NPSR1: variants seen among roughly 807,000 people sequenced by gnomAD.
NPSR1 encodes the protein neuropeptide S receptor.
A neutral mutation model predicts 46.9 loss-of-function variants in NPSR1; 48 were observed. That is an observed-to-expected ratio of 1.02 (90% confidence interval 0.81 to 1.30). NPSR1 has a LOEUF of 1.30. Ranked by LOEUF, NPSR1 falls within the 50% of genes most tolerant of loss-of-function variation. The pLI is 0.00. For synonymous variants in NPSR1, 176 were observed against 168.1 expected, an observed-to-expected ratio of 1.05 and a Z score of -0.36; for missense variants, 450 against 449.5, an observed-to-expected ratio of 1.00 and a Z score of -0.01.
intron 3 of NPSR1, among the ~76,000 whole-genome samples, chr7:34,788,773 G>A (rs1027775225): frequency 3.3e-5 from 5 of 151,890 alleles, no homozygotes; most frequent in Non-Finnish European, 5.9e-5. Flanking sequence ...AGTAAAGAAC[G>A]ATTGGATTTA....
chr7:34,833,901 C>T (rs1247599196), intron 5 of NPSR1, among the ~76,000 whole-genome samples: 1 of 152,204 alleles, frequency 6.6e-6, no homozygotes, highest in Non-Finnish European at 1.5e-5. Flanking sequence ...TGTAATCAGT[C>T]CCATCCCCTT....
At chr7:34,844,476 G>A (rs1425741113) in intron 6 of NPSR1, among the ~76,000 whole-genome samples, 1 of 151,506 alleles carries the variant, frequency 6.6e-6, no homozygotes, top group East Asian at 1.9e-4. Context: ...TTTGATGAAT[G>A]TATTTGTCTG....
At chr7:34,872,793 A>G (rs1032772723) in intron 8 of NPSR1, among the ~76,000 whole-genome samples, 7 of 151,754 alleles carry the variant, frequency 4.6e-5, no homozygotes, top group African/African-American at 1.5e-4. Flanking sequence ...TGATTCAATT[A>G]TCTCACACTA....
intron 1 of NPSR1, among the ~76,000 whole-genome samples, chr7:34,682,907 T>C (rs548600639): frequency 6.6e-6 from 1 of 152,212 alleles, no homozygotes; most frequent in East Asian, 1.9e-4. Context: ...AAGTGGGAAG[T>C]GACATATGTA....
At chr7:34,768,290 T>G (rs1786525173) in intron 2 of NPSR1, 1 of 152,196 alleles carries the variant, frequency 6.6e-6, no homozygotes, top group South Asian at 2.1e-4. Context: ...CTGTTTAAAA[T>G]GAAGATACAA....
Position 34,856,912 on chromosome 7 carries a change from G to T in NPSR1, c.1025+8249G>T, listed in dbSNP as rs1020705838. Among the ~76,000 whole-genome samples, 13 of 151,456 alleles carry T rather than the reference G, an allele frequency of 8.6e-5. 1 individual carries two copies. The highest frequency in any genetic ancestry group is 3.2e-4 in the African/African-American group (13 of 40,886). On this transcript the variant is annotated intron_variant, in intron 8 of 8. Coordinates refer to the NPSR1 transcript ENST00000359791. The stretch of plus-strand genomic sequence containing the variant: ...AACTGGTCCAGTCTTTATGTAGATG[G>T]GGGGGGAAATCTCTTCTAGCATCTG...
At chr7:34,743,195 T>C (rs1036886675) in intron 2 of NPSR1, among the ~76,000 whole-genome samples, 1 of 152,210 alleles carries the variant, frequency 6.6e-6, no homozygotes, top group Non-Finnish European at 1.5e-5. Flanking sequence ...GTGATTCCTT[T>C]TGGTGTCTTT....
chr7:34,770,315 A>T (rs1292425313), intron 2 of NPSR1, among the ~76,000 whole-genome samples: 1 of 152,144 alleles, frequency 6.6e-6, no homozygotes, highest in Non-Finnish European at 1.5e-5. Context: ...CACAGCTCTC[A>T]ATGACTGCTC....
intron 1 of NPSR1, among the ~76,000 whole-genome samples, chr7:34,667,466 A>G (rs1049400492): frequency 2.0e-5 from 3 of 152,098 alleles, no homozygotes; most frequent in African/African-American, 4.8e-5. Flanking sequence ...CCAGCCTCCT[A>G]GACTCTCCAT....
chr7:34,752,484 C>G (rs1177962291), intron 2 of NPSR1, among the ~76,000 whole-genome samples: 1 of 152,146 alleles, frequency 6.6e-6, no homozygotes, highest in Non-Finnish European at 1.5e-5. Context: ...CAGGAAAGGC[C>G]TAGGTAAAAC....
chr7:34,781,828 C>G (rs1787245053), intron 3 of NPSR1, among the ~76,000 whole-genome samples: 1 of 152,146 alleles, frequency 6.6e-6, no homozygotes, highest in Non-Finnish European at 1.5e-5. Context: ...ACAGCCAGCA[C>G]CATAGTAAGC....
Position 34,849,825 on chromosome 7 carries a change from G to T in NPSR1, c.*170G>T, listed in dbSNP as rs763377501. On this transcript the variant is annotated 3_prime_UTR_variant, in exon 9 of 9. Coordinates refer to ENST00000360581, the MANE Select transcript of NPSR1 (RefSeq NM_207172.2). ...GACTGCATGCACTGCTTAAGTATTGGCCAACACGAACTCCCCAGTTATTCA... is the reference window on the plus strand; with the variant it reads ...GACTGCATGCACTGCTTAAGTATTGTCCAACACGAACTCCCCAGTTATTCA... 158 of 1,394,188 alleles carry T rather than the reference G, an allele frequency of 1.1e-4. No homozygotes were observed. Among genetic ancestry groups the T allele is most frequent in the Admixed American group, 2.1e-4 (7 of 33,166 alleles). 86.4% of individuals were successfully genotyped at this position (1,394,188 alleles called of 1,614,324 possible). A position where few individuals can be genotyped will look rare whatever the true frequency, so the allele number is the denominator to read the frequency against.
chr7:34,845,429 C>T (rs1192492823), intron 7 of NPSR1, among the ~76,000 whole-genome samples: 1 of 152,092 alleles, frequency 6.6e-6, no homozygotes. Context: ...TTCCACCCTC[C>T]TGTCTTCTGC....
At chr7:34,756,548 G>A (rs1032610786) in intron 2 of NPSR1, among the ~76,000 whole-genome samples, 6 of 152,208 alleles carry the variant, frequency 3.9e-5, no homozygotes, top group Non-Finnish European at 2.9e-5. Context: ...CTCTGGCATT[G>A]TAACATGAAA....
chr7:34,806,243 A>C (rs1788693896), intron 3 of NPSR1, among the ~76,000 whole-genome samples: 1 of 152,206 alleles, frequency 6.6e-6, no homozygotes, highest in South Asian at 2.1e-4. Context: ...CTTTATTCAT[A>C]ATCACCAAAA....
intron 2 of NPSR1, among the ~76,000 whole-genome samples, chr7:34,689,620 A>AGAAAG (rs1793132743): frequency 7.9e-6 from 1 of 126,274 alleles, no homozygotes; most frequent in Non-Finnish European, 1.6e-5. Context: ...AAAAAAAAAA[A>AGAAAG]AAAAAAAAAA....
downstream of NPSR1, among the ~76,000 whole-genome samples, chr7:34,852,997 A>G (rs947207780): frequency 6.6e-6 from 1 of 152,224 alleles, no homozygotes; most frequent in African/African-American, 2.4e-5. Flanking sequence ...GTTGAAGTTT[A>G]CTTTCACTAA....
intron 2 of NPSR1, chr7:34,719,778 C>T (rs1783756105): frequency 1.3e-5 from 2 of 152,014 alleles, no homozygotes; most frequent in Admixed American, 1.3e-4. Context: ...GGCTAACAGC[C>T]CTCAGTGCAA....
intron 6 of NPSR1, among the ~76,000 whole-genome samples, chr7:34,836,337 A>T (rs750754835): frequency 1.3e-5 from 2 of 152,222 alleles, no homozygotes; most frequent in Non-Finnish European, 2.9e-5. Flanking sequence ...AAGTACTATA[A>T]TTATAATACT....
Sources: gnomAD v4.1 joint callset for allele counts (sites outside exome capture counted in the v4.1 genomes callset) on GRCh38, gnomAD v4.1.1 for gene constraint, MANE v1.5 for transcripts, NCBI Gene and HGNC (gene_info 2026-07-23, HGNC 2026-07-21) for gene names.